ZSWIM5: variants seen among roughly 807,000 people sequenced by gnomAD.
The protein encoded by ZSWIM5 is zinc finger SWIM-type containing 5.
A neutral mutation model predicts 119.6 loss-of-function variants in ZSWIM5; 55 were observed. That is an observed-to-expected ratio of 0.46 (90% confidence interval 0.37 to 0.58). The LOEUF is 0.58. Among genes scored for constraint, ZSWIM5 ranks in the 20% least tolerant of loss-of-function variants. The probability of loss-of-function intolerance (pLI) is 0.00; values close to 1 mark genes in which losing one functional copy is unlikely to be tolerated. For synonymous variants in ZSWIM5, 537 were observed against 606.9 expected, an observed-to-expected ratio of 0.88 and a Z score of 1.69; for missense variants, 1,193 against 1,512.8, an observed-to-expected ratio of 0.79 and a Z score of 3.51.
chr1:45,029,156 C>G (rs7514998), intron 11 of ZSWIM5, among the ~76,000 whole-genome samples: 100,704 of 152,102 alleles, frequency 0.66, 34,384 homozygotes, highest in Middle Eastern at 0.78. Context: ...CATCTACCAC[C>G]GACCTCATTC....
intron 2 of ZSWIM5, among the ~76,000 whole-genome samples, chr1:45,081,035 T>C (rs937785611): frequency 6.6e-6 from 1 of 152,210 alleles, no homozygotes; most frequent in Admixed American, 6.5e-5. Flanking sequence ...ATTTTATTCC[T>C]GCTGTTTTAG....
At chr1:45,147,489 G>A (rs1413925118) in intron 1 of ZSWIM5, among the ~76,000 whole-genome samples, 7 of 143,326 alleles carry the variant, frequency 4.9e-5, no homozygotes, top group Admixed American at 2.9e-4. Flanking sequence ...TATAGAAAAC[G>A]TTTTCTGCTT....
rs757474824 is a variant in ZSWIM5 at position 45,020,197 on chromosome 1, C to G, written c.2614-50G>C. 2.7e-6 allele frequency: 4 copies of G among 1,461,276 alleles called. No homozygotes were observed. In the Admixed American group the frequency reaches 5.1e-5, roughly 18 times the overall value. 90.5% of individuals were successfully genotyped at this position (1,461,276 alleles called of 1,614,324 possible). A position where few individuals can be genotyped will look rare whatever the true frequency, so the allele number is the denominator to read the frequency against. On this transcript the variant is annotated intron_variant, in intron 12 of 13. Transcript: ENST00000359600. Reference sequence around the variant, plus strand: ...GTGGGCTATGCCTAACTGTTGTGACCTCTCCCTCCCCTTGCATTCATTTAT... The same window carrying G: ...GTGGGCTATGCCTAACTGTTGTGACGTCTCCCTCCCCTTGCATTCATTTAT...
chr1:45,141,104 C>T (rs1645723991), intron 1 of ZSWIM5, among the ~76,000 whole-genome samples: 3 of 152,146 alleles, frequency 2.0e-5, no homozygotes, highest in Non-Finnish European at 4.4e-5. Context: ...CCCCAACCTC[C>T]GGGCAATCCT....
intron 1 of ZSWIM5, among the ~76,000 whole-genome samples, chr1:45,137,931 T>C (rs1645699543): frequency 2.0e-5 from 3 of 152,184 alleles, no homozygotes; most frequent in Admixed American, 2.0e-4. Flanking sequence ...GGAGGCCAGT[T>C]ACATGGCTAC....
At chr1:45,188,040 G>T (rs1324451117) in intron 1 of ZSWIM5, among the ~76,000 whole-genome samples, 1 of 152,200 alleles carries the variant, frequency 6.6e-6, no homozygotes, top group African/African-American at 2.4e-5. Context: ...TAGTTTGGCA[G>T]TTCCTCAAAA....
chr1:45,151,430 CA>C (rs1478735118), intron 1 of ZSWIM5, among the ~76,000 whole-genome samples: 2 of 151,648 alleles, frequency 1.3e-5, no homozygotes, highest in African/African-American at 4.8e-5. Flanking sequence ...ATTTAGCCAA[CA>C]AATATTAAGT....
At chr1:45,083,614 A>G (rs1189057106) in intron 2 of ZSWIM5, among the ~76,000 whole-genome samples, 2 of 152,216 alleles carry the variant, frequency 1.3e-5, no homozygotes, top group Non-Finnish European at 2.9e-5. Flanking sequence ...TGGGAAAGAC[A>G]GGTCCTTTGG....
chr1:45,135,624 A>T (rs1024381674), intron 1 of ZSWIM5, among the ~76,000 whole-genome samples: 2 of 152,226 alleles, frequency 1.3e-5, no homozygotes, highest in Admixed American at 1.3e-4. Flanking sequence ...TTTCATTTTC[A>T]AAGAGACACA....
rs774479740 is a variant in ZSWIM5 at position 45,034,375 on chromosome 1, T to C, written c.2386A>G (p.Thr796Ala). ...TGCTGTGATTCCAAGTGTCCAAGCG[T>C]GAACCAGCGAGGATAACGGCTGGGC... ...VVPSRYPRWF[T>A]LGHLESQQCE... The change falls in exon 11 of 14, where the codon ACG becomes GCG. Residue 796 changes from threonine (T) to alanine (A), a missense_variant. Transcript: ENST00000359600. 6.2e-7 allele frequency: 1 copy of C among 1,613,994 alleles called. No homozygotes were observed. Among genetic ancestry groups the C allele is most frequent in the Non-Finnish European group, 8.5e-7 (1 of 1,179,902 alleles).
intron 11 of ZSWIM5, among the ~76,000 whole-genome samples, chr1:45,031,772 G>A (rs539663020): frequency 5.3e-5 from 8 of 151,194 alleles, no homozygotes; most frequent in Admixed American, 3.3e-4. Context: ...CCTAGGGGGT[G>A]GAGCTTGCAG....
At position 45,035,999 on chromosome 1, in the gene ZSWIM5, G is replaced by A. The variant is rs996625214; in HGVS notation, c.2155+40C>T. Reference sequence around the variant, plus strand: ...ATTGGAGAGGGGAGCTCAGGGTCATGGGCCAAAGACACCGTGACAAGAGAC... The same window carrying A: ...ATTGGAGAGGGGAGCTCAGGGTCATAGGCCAAAGACACCGTGACAAGAGAC... On this transcript the variant is annotated intron_variant, in intron 9 of 13. Coordinates refer to ENST00000359600, the MANE Select transcript of ZSWIM5 (RefSeq NM_020883.2). 7 of 1,598,786 alleles carry A rather than the reference G, an allele frequency of 4.4e-6. No individual in the cohort carries two copies. In the African/African-American group the frequency reaches 6.7e-5, roughly 15 times the overall value.
intron 1 of ZSWIM5, among the ~76,000 whole-genome samples, chr1:45,152,379 A>G (rs555776897): frequency 1.3e-5 from 2 of 152,324 alleles, no homozygotes; most frequent in African/African-American, 4.8e-5. Context: ...ACATTGGTTC[A>G]AGAGATAATT....
At chr1:45,156,860 G>A (rs577104523) in intron 1 of ZSWIM5, among the ~76,000 whole-genome samples, 1 of 151,678 alleles carries the variant, frequency 6.6e-6, no homozygotes, top group East Asian at 1.9e-4. Context: ...CTTGTATGTA[G>A]AAAATCTTTA....
chr1:45,131,549 C>G (rs955431107), intron 1 of ZSWIM5, among the ~76,000 whole-genome samples: 6 of 151,836 alleles, frequency 4.0e-5, no homozygotes, highest in African/African-American at 1.5e-4. Flanking sequence ...CATGGCGAAA[C>G]CCAGTCCCCA....
intron 1 of ZSWIM5, among the ~76,000 whole-genome samples, chr1:45,165,837 C>T (rs548980025): frequency 1.3e-5 from 2 of 152,108 alleles, no homozygotes; most frequent in South Asian, 2.1e-4. Context: ...AGCCTACCAA[C>T]CAAAAAAAGT....
intron 1 of ZSWIM5, among the ~76,000 whole-genome samples, chr1:45,190,746 A>G (rs1646086424): frequency 6.6e-6 from 1 of 152,084 alleles, no homozygotes; most frequent in Non-Finnish European, 1.5e-5. Context: ...AGATAGAATG[A>G]GAAATGCAAC....
rs534599856 is a variant in ZSWIM5 at position 45,160,989 on chromosome 1, A to ATTTTTTTTTTTTTTTTTTT, written c.595+44766_595+44767insAAAAAAAAAAAAAAAAAAA. Among the ~76,000 whole-genome samples, 37 of 122,630 alleles carry ATTTTTTTTTTTTTTTTTTT rather than the reference A, an allele frequency of 3.0e-4. 1 individual carries two copies. Among genetic ancestry groups the ATTTTTTTTTTTTTTTTTTT allele is most frequent in the Admixed American group, 8.4e-4 (10 of 11,938 alleles). 80.5% of individuals were successfully genotyped at this position (122,630 alleles called of 152,430 possible). ...AGCGCCTGCCACCATGCCCGGCTAA[A>ATTTTTTTTTTTTTTTTTTT]TTTTTTTTTTTTTTTTTAGTAGAGA... On this transcript the variant is annotated intron_variant, in intron 1 of 13. Coordinates refer to ENST00000359600, the MANE Select transcript of ZSWIM5 (RefSeq NM_020883.2).
At chr1:45,145,646 G>A (rs1463302111) in intron 1 of ZSWIM5, among the ~76,000 whole-genome samples, 1 of 152,018 alleles carries the variant, frequency 6.6e-6, no homozygotes, top group Admixed American at 6.6e-5. Context: ...ACAGATCAGT[G>A]GCTGCCAAGT....
Sources: gnomAD v4.1 joint callset for allele counts (sites outside exome capture counted in the v4.1 genomes callset) on GRCh38, gnomAD v4.1.1 for gene constraint, MANE v1.5 for transcripts, NCBI Gene and HGNC (gene_info 2026-07-23, HGNC 2026-07-21) for gene names.